EPB41L2: variants seen among roughly 807,000 people sequenced by gnomAD.
The protein encoded by EPB41L2 is erythrocyte membrane protein band 4.1 like 2.
Under a neutral mutation model 113.0 loss-of-function variants are expected in EPB41L2, and 43 were observed. The observed-to-expected ratio is 0.38, with a 90% confidence interval of 0.30 to 0.49. The LOEUF is 0.49. Ranked by LOEUF, EPB41L2 falls within the 20% of genes least tolerant of loss-of-function variation. EPB41L2 has a pLI of 0.95. For missense variants in EPB41L2, 1,147 were observed against 1,223.4 expected (o/e 0.94, Z 0.93); for synonymous variants, 442 against 436.7 (o/e 1.01, Z -0.15).
chr6:131,023,479 T>G (rs1465272001), intron 1 of EPB41L2, among the ~76,000 whole-genome samples: 1 of 152,094 alleles, frequency 6.6e-6, no homozygotes, highest in East Asian at 1.9e-4. Context: ...GGTCAGAAGT[T>G]CGAGACCAGC....
intron 18 of EPB41L2, among the ~76,000 whole-genome samples, chr6:130,860,198 G>A (rs1392052852): frequency 6.6e-6 from 1 of 152,228 alleles, no homozygotes; most frequent in East Asian, 1.9e-4. Context: ...GCTCTGATGG[G>A]AGCCAAACGT....
intron 14 of EPB41L2, among the ~76,000 whole-genome samples, chr6:130,872,148 T>G (rs556927539): frequency 7.9e-5 from 12 of 152,000 alleles, no homozygotes; most frequent in South Asian, 4.1e-4. Flanking sequence ...TTCTCTGAAT[T>G]TAGGCAGATT....
intron 1 of EPB41L2, among the ~76,000 whole-genome samples, chr6:131,018,513 T>C (rs1251132202): frequency 6.6e-6 from 1 of 152,216 alleles, no homozygotes; most frequent in African/African-American, 2.4e-5. Context: ...CCTTTTCTTT[T>C]CACTGTGGTA....
chr6:130,905,755 T>C (rs1797546071), intron 5 of EPB41L2, among the ~76,000 whole-genome samples: 1 of 152,050 alleles, frequency 6.6e-6, no homozygotes, highest in East Asian at 1.9e-4. Flanking sequence ...AAAGACCTTA[T>C]GAGATGTTTA....
intron 4 of EPB41L2, among the ~76,000 whole-genome samples, chr6:130,910,167 G>C (rs376856267): frequency 2.0e-5 from 3 of 152,260 alleles, no homozygotes; most frequent in Non-Finnish European, 4.4e-5. Flanking sequence ...CATGGTACTG[G>C]TACCAAAACA....
intron 10 of EPB41L2, among the ~76,000 whole-genome samples, chr6:130,893,114 G>A (rs1793508836): frequency 6.6e-6 from 1 of 152,108 alleles, no homozygotes. Context: ...GCTAAAGATG[G>A]TTAGATGATC....
chr6:130,920,721 G>C (rs189499144), intron 4 of EPB41L2, among the ~76,000 whole-genome samples: 1 of 152,016 alleles, frequency 6.6e-6, no homozygotes, highest in African/African-American at 2.4e-5. Context: ...TGTTGCCCAG[G>C]CTGGTCTCAA....
chr6:131,045,413 T>G (rs1795263120), intron 1 of EPB41L2, among the ~76,000 whole-genome samples: 2 of 138,850 alleles, frequency 1.4e-5, no homozygotes, highest in African/African-American at 5.2e-5. Context: ...GTCACTGAAA[T>G]GCAGAACTCA....
At chr6:130,874,729 T>C (rs1273211440) in intron 14 of EPB41L2, among the ~76,000 whole-genome samples, 1 of 152,178 alleles carries the variant, frequency 6.6e-6, no homozygotes, top group South Asian at 2.1e-4. Context: ...CTTGGGGGCT[T>C]TTCCAGATTT....
chr6:130,888,993 T>C (rs1047611928), intron 11 of EPB41L2, among the ~76,000 whole-genome samples: 3 of 152,178 alleles, frequency 2.0e-5, no homozygotes, highest in Admixed American at 2.0e-4. Context: ...GCAATCCATA[T>C]GAATCCTTCA....
chr6:130,899,634 C>T (rs1795737840), intron 7 of EPB41L2, 56 bp from the exon 8 acceptor site: 2 of 1,501,562 alleles, frequency 1.3e-6, no homozygotes, highest in Non-Finnish European at 1.9e-6. Flanking sequence ...CAAATGTAGT[C>T]AGAATGGGAG....
At chr6:131,052,373 C>T (rs1796740086) in intron 1 of EPB41L2, among the ~76,000 whole-genome samples, 1 of 152,172 alleles carries the variant, frequency 6.6e-6, no homozygotes, top group Non-Finnish European at 1.5e-5. Flanking sequence ...TCCCTGCACA[C>T]AGTTATATAG....
intron 3 of EPB41L2, among the ~76,000 whole-genome samples, chr6:130,936,883 T>C (rs1332222931): frequency 2.0e-5 from 3 of 152,174 alleles, no homozygotes; most frequent in Non-Finnish European, 4.4e-5. Flanking sequence ...TCAAAGCAGT[T>C]CTTAACTCTG....
chr6:131,060,950 G>C (rs372416943), intron 1 of EPB41L2, among the ~76,000 whole-genome samples: 2 of 152,126 alleles, frequency 1.3e-5, no homozygotes, highest in African/African-American at 4.8e-5. Flanking sequence ...AAATTTTACT[G>C]AAATTATAGC....
intron 12 of EPB41L2, among the ~76,000 whole-genome samples, chr6:130,884,374 T>C (rs1232700711): frequency 2.0e-5 from 3 of 152,078 alleles, no homozygotes; most frequent in South Asian, 4.2e-4. Context: ...CACTATGAAA[T>C]CAATATGATG....
chr6:130,920,524 C>G (rs781000018), intron 4 of EPB41L2, among the ~76,000 whole-genome samples: 30 of 152,236 alleles, frequency 2.0e-4, no homozygotes, highest in Middle Eastern at 3.4e-3. Context: ...TAGGCAAGGT[C>G]TTGCTCTGTC....
intron 4 of EPB41L2, among the ~76,000 whole-genome samples, chr6:130,923,048 C>A (rs1321709042): frequency 6.6e-6 from 1 of 152,160 alleles, no homozygotes; most frequent in African/African-American, 2.4e-5. Context: ...ACCCCCCAGT[C>A]GAGTCCTCCT....
chr6:131,016,614 G>A (rs781481111), intron 1 of EPB41L2, among the ~76,000 whole-genome samples: 40 of 151,776 alleles, frequency 2.6e-4, no homozygotes, highest in Non-Finnish European at 5.1e-4. Context: ...AGAAACAAGG[G>A]GGTCAGAAAA....
At chr6:130,862,194 T>C (rs1222204444) in intron 18 of EPB41L2, among the ~76,000 whole-genome samples, 2 of 152,178 alleles carry the variant, frequency 1.3e-5, no homozygotes, top group African/African-American at 4.8e-5. Flanking sequence ...TATAACAAAA[T>C]TATTTTGGCT....
Sources: gnomAD v4.1 joint callset for allele counts (sites outside exome capture counted in the v4.1 genomes callset) on GRCh38, gnomAD v4.1.1 for gene constraint, MANE v1.5 for transcripts, NCBI Gene and HGNC (gene_info 2026-07-23, HGNC 2026-07-21) for gene names.